The following DLGAP5 variants were observed in gnomAD, a reference collection of about 807,000 sequenced individuals.
DLGAP5 encodes the protein disks large-associated protein 5.
Under a neutral mutation model 99.6 loss-of-function variants are expected in DLGAP5, and 90 were observed. The ratio of observed to expected loss-of-function variants is 0.90; its 90% CI spans 0.76 to 1.08. The LOEUF (loss-of-function observed/expected upper bound fraction) is 1.08, where lower values mean the gene tolerates loss of function less well. Ranked by LOEUF, DLGAP5 falls within the 50% of genes least tolerant of loss-of-function variation. The pLI is 0.00. For missense variants in DLGAP5, 1,036 were observed against 983.5 expected, an observed-to-expected ratio of 1.05 and a Z score of -0.71; for synonymous variants, 311 against 321.3, an observed-to-expected ratio of 0.97 and a Z score of 0.34.
At chr14:55,178,654 C>T (rs74655491) in intron 7 of DLGAP5, among the ~76,000 whole-genome samples, 8,800 of 152,320 alleles carry the variant, frequency 0.058, 323 homozygotes, top group South Asian at 0.09. Flanking sequence ...GCTGCTTTAT[C>T]TGTGAAGATT....
At chr14:55,157,376 C>T (rs920144881) in intron 14 of DLGAP5, among the ~76,000 whole-genome samples, 1 of 152,088 alleles carries the variant, frequency 6.6e-6, no homozygotes. Context: ...GGGAGTGTAG[C>T]TGCTTAAAGG....
Position 55,170,767 on chromosome 14 carries a change from G to T in DLGAP5, c.1322C>A (p.Thr441Asn), listed in dbSNP as rs753594826. ...GAAGCAATGTGAAGTTAATTTCTCA[G>T]TTTCTGACTGGAGGATATTTCTAAA... is the stretch of plus-strand genomic sequence containing the variant. ...PYFRNILQSE[T>N]EKLTSHCFEW... Residue 441 changes from threonine to asparagine, a missense_variant, in exon 11 of 19, where the codon ACT becomes AAT. Coordinates refer to ENST00000247191, the MANE Select transcript of DLGAP5 (RefSeq NM_014750.5). 1.2e-6 allele frequency: 2 copies of T among 1,613,458 alleles called. No individual in the cohort carries two copies. Among genetic ancestry groups the T allele is most frequent in the Non-Finnish European group, 1.7e-6 (2 of 1,179,656 alleles).
chr14:55,188,640 C>T (rs181877307), intron 2 of DLGAP5, among the ~76,000 whole-genome samples: 302 of 152,024 alleles, frequency 2.0e-3, no homozygotes, highest in African/African-American at 6.8e-3. Flanking sequence ...GGGCCAGGCG[C>T]GGTGGCTCAC....
In DLGAP5 at chr14:55,152,597, T is replaced by C. The variant is rs890526156; in HGVS notation, c.2114A>G (p.Glu705Gly). 6.2e-7 allele frequency: 1 copy of C among 1,601,784 alleles called. No homozygotes were observed. The highest frequency in any genetic ancestry group is 1.1e-5 in the South Asian group (1 of 87,980). The change falls in exon 16 of 19, where the codon GAA becomes GGA. Residue 705 changes from glutamate to glycine, a missense_variant. Coordinates refer to ENST00000247191, the MANE Select transcript of DLGAP5 (RefSeq NM_014750.5). ...QCPGLPDLIE[E>G]NHVVNKTDLK... is the part of the protein sequence containing the mutation. Reference sequence around the variant, plus strand: ...CACTGGAATTGTACTTACATGATTTTCTTCAATTAAATCTGGTAATCCAGG... The same window carrying C: ...CACTGGAATTGTACTTACATGATTTCCTTCAATTAAATCTGGTAATCCAGG...
At chr14:55,174,978 C>G (rs199705405) in intron 10 of DLGAP5, among the ~76,000 whole-genome samples, 28 of 152,222 alleles carry the variant, frequency 1.8e-4, no homozygotes, top group African/African-American at 6.5e-4. Context: ...CGTGAGCCAC[C>G]GCGCCCAGCC....
chr14:55,152,789 A>G, intron 15 of DLGAP5, 142 bp from the exon 16 acceptor site: 1 of 617,350 alleles, frequency 1.6e-6, no homozygotes, highest in Non-Finnish European at 2.6e-6. Flanking sequence ...GGCGTGATCC[A>G]GATAGATTAG....
rs369746845 is a variant in DLGAP5 at position 55,175,228 on chromosome 14, G to A, written c.1301+118C>T. On this transcript the variant is annotated intron_variant, in intron 10 of 18. Transcript: ENST00000247191. ...TCAAAAAAATAATTAAAATTTAAAC[G>A]TGAAAATCACCTAACACCAGTTTTC... 4.1e-5 allele frequency: 34 copies of A among 819,786 alleles called. 1 individual carries two copies. Among genetic ancestry groups the A allele is most frequent in the South Asian group, 4.1e-4 (23 of 55,980 alleles). 50.8% of individuals were successfully genotyped at this position (819,786 alleles called of 1,614,324 possible).
At chr14:55,156,297 A>T (rs944807706) in intron 14 of DLGAP5, among the ~76,000 whole-genome samples, 2 of 152,124 alleles carry the variant, frequency 1.3e-5, no homozygotes, top group Non-Finnish European at 2.9e-5. Flanking sequence ...ACCCACCCCC[A>T]TCACCAAAAA....
rs781312686 is a variant in DLGAP5 at position 55,158,685 on chromosome 14, A to G, written c.1710T>C (p.Ile570=). ...TGGCAGCTAGGCGATTTCTCGCTGC[A>G]ATTCTTCCAGCATCATCCTGTTTTG... ...SKPKQDDAGR[I]AARNRLAAIK... Residue 570 remains isoleucine, a synonymous_variant, in exon 14 of 19, where the codon ATT becomes ATC. Coordinates refer to ENST00000247191, the MANE Select transcript of DLGAP5 (RefSeq NM_014750.5). 1.2e-6 allele frequency: 2 copies of G among 1,613,972 alleles called. No individual in the cohort carries two copies. The highest frequency in any genetic ancestry group is 1.7e-6 in the Non-Finnish European group (2 of 1,180,024).
chr14:55,150,830 CTT>C lies in DLGAP5; in HGVS notation c.2385_2386del (p.Leu797HisfsTer3), dbSNP rs762360287. 3.8e-6 allele frequency: 6 copies of C among 1,582,594 alleles called. No individual in the cohort carries two copies. The highest frequency in any genetic ancestry group is 5.1e-6 in the Non-Finnish European group (6 of 1,169,994). On this transcript the variant is annotated frameshift_variant, in exon 18 of 19. Transcript: ENST00000247191. LOFTEE classifies it low-confidence loss of function (END_TRUNC). ...AAGAAGGTGGCATTCAGTAGTGAGA[CTT>C]TTATTATCAAATAGTTCTGAAAAAC...
chr14:55,173,849 C>T (rs1594676583), intron 10 of DLGAP5, among the ~76,000 whole-genome samples: 1 of 129,794 alleles, frequency 7.7e-6, no homozygotes, highest in African/African-American at 4.2e-5. Flanking sequence ...TCTTTACTTA[C>T]TTTAATCTCT....
In DLGAP5 at chr14:55,181,295, A is replaced by G; in HGVS notation, c.498T>C (p.Ile166=). ...TTGCTCGAACATCACTCTCGTTATC[A>G]ATCTATTTAAGAGATTAGGTGCTAT... is the stretch of plus-strand genomic sequence containing the variant. The part of the protein sequence containing the change: ...KAKDQMEQTK[I]DNESDVRAIR... The change falls in exon 5 of 19, where the codon ATT becomes ATC. Residue 166 remains isoleucine, a splice_region_variant and synonymous_variant. Transcript: ENST00000247191. 6.2e-7 allele frequency: 1 copy of G among 1,613,684 alleles called. No homozygotes were observed. Among genetic ancestry groups the G allele is most frequent in the Non-Finnish European group, 8.5e-7 (1 of 1,179,716 alleles).
intron 18 of DLGAP5, 196 bp downstream of exon 18, chr14:55,150,603 G>T: frequency 2.7e-6 from 1 of 373,480 alleles, no homozygotes; most frequent in Non-Finnish European, 4.9e-6. Context: ...CATATCTTCA[G>T]GGTTAATATT....
intron 10 of DLGAP5, among the ~76,000 whole-genome samples, chr14:55,173,805 C>A (rs1356776173): frequency 1.3e-5 from 2 of 152,226 alleles, no homozygotes; most frequent in African/African-American, 4.8e-5. Flanking sequence ...CTTATCACTT[C>A]CCCAGTCAAT....
Position 55,162,962 on chromosome 14 carries a change from C to A in DLGAP5, c.1653+9G>T, listed in dbSNP as rs1555328253. On this transcript the variant is annotated intron_variant, in intron 13 of 18. Coordinates refer to ENST00000247191, the MANE Select transcript of DLGAP5 (RefSeq NM_014750.5). ...AAAAAAAAATTGGATATAAAACCCA[C>A]AAACTTACCCTAAAGACATTTTTGT... The A allele has an allele frequency of 6.7e-7, 1 of 1,495,568 alleles. No homozygotes were observed. Among genetic ancestry groups the A allele is most frequent in the South Asian group, 1.4e-5 (1 of 72,856 alleles). The allele number at this position is 1,495,568 out of a possible 1,614,324, so 92.6% of individuals were successfully genotyped here.
intron 2 of DLGAP5, among the ~76,000 whole-genome samples, chr14:55,187,581 T>C (rs1883474419): frequency 6.6e-6 from 1 of 152,002 alleles, no homozygotes; most frequent in Non-Finnish European, 1.5e-5. Context: ...CCTCCCAAAG[T>C]GCTGGGATTA....
At chr14:55,163,114 C>G (rs1165761825) in intron 12 of DLGAP5, 39 bp from the exon 13 acceptor site, 21 of 1,286,906 alleles carry the variant, frequency 1.6e-5, no homozygotes, top group Non-Finnish European at 2.1e-5. Flanking sequence ...TAATGCTAGC[C>G]ATATTAAAGT....
intron 2 of DLGAP5, among the ~76,000 whole-genome samples, chr14:55,185,090 G>A (rs1883388928): frequency 6.6e-6 from 1 of 152,106 alleles, no homozygotes; most frequent in Non-Finnish European, 1.5e-5. Flanking sequence ...GAAGTTACAA[G>A]CATGCGGTAA....
chr14:55,169,173 C>T lies in DLGAP5; in HGVS notation c.1548+226G>A, dbSNP rs1379496999. Reference sequence around the variant, plus strand: ...CCTGGGTGACAGAGTGAGACTCCGTCTCAAAAAAAAAAAAAAAAAAAAAAT... The same window carrying T: ...CCTGGGTGACAGAGTGAGACTCCGTTTCAAAAAAAAAAAAAAAAAAAAAAT... On this transcript the variant is annotated intron_variant, in intron 12 of 18. Transcript: ENST00000247191. 2.7e-4 allele frequency among the ~76,000 whole-genome samples: 25 copies of T among 93,576 alleles called. No homozygotes were observed. In the Admixed American group the frequency reaches 3.2e-3, roughly 12 times the overall value. 61.4% of individuals were successfully genotyped at this position (93,576 alleles called of 152,430 possible). A position where few individuals can be genotyped will look rare whatever the true frequency, so the allele number is the denominator to read the frequency against.
Sources: allele counts gnomAD v4.1 joint callset (sites outside exome capture counted in the v4.1 genomes callset), GRCh38; gene constraint gnomAD v4.1.1; transcripts MANE v1.5; gene names NCBI Gene and HGNC (gene_info 2026-07-23, HGNC 2026-07-21).